The following KIFAP3 variants were observed in gnomAD, a reference collection of about 807,000 sequenced individuals.
KIFAP3 encodes kinesin associated protein 3, also known as kinesin-associated protein 3.
A neutral mutation model predicts 106.5 loss-of-function variants in KIFAP3; 68 were observed. That is an observed-to-expected ratio of 0.64 (90% CI 0.53 to 0.78). The LOEUF is 0.78. Among genes scored for constraint, KIFAP3 ranks in the 30% least tolerant of loss-of-function variants. KIFAP3 has a pLI of 0.00. For missense variants in KIFAP3, 780 were observed against 941.8 expected, an observed-to-expected ratio of 0.83 and a Z score of 2.25; for synonymous variants, 320 against 311.5, an observed-to-expected ratio of 1.03 and a Z score of -0.29.
chr1:170,021,941 C>CTTTTTTTTTTTTTT (rs71125221), intron 9 of KIFAP3, among the ~76,000 whole-genome samples: 5 of 77,888 alleles, frequency 6.4e-5, no homozygotes, highest in African/African-American at 1.9e-4. Flanking sequence ...TCTTTTCTTT[C>CTTTTTTTTTTTTTT]TTTTTTTTTT....
At chr1:169,935,276 A>C (rs1663727318) in intron 19 of KIFAP3, among the ~76,000 whole-genome samples, 1 of 152,002 alleles carries the variant, frequency 6.6e-6, no homozygotes, top group East Asian at 1.9e-4. Context: ...TTGCATTTTA[A>C]AAATTTACTT....
intron 19 of KIFAP3, among the ~76,000 whole-genome samples, chr1:169,942,960 T>C (rs1184793833): frequency 1.6e-5 from 2 of 128,766 alleles, no homozygotes; most frequent in Non-Finnish European, 3.1e-5. Context: ...TAATTTCTTT[T>C]GATTGAAACC....
chr1:170,055,381 G>A lies in KIFAP3; in HGVS notation c.88C>T (p.His30Tyr). 1 of 1,608,424 alleles carries A rather than the reference G, an allele frequency of 6.2e-7. No homozygotes were observed. Among genetic ancestry groups the A allele is most frequent in the Non-Finnish European group, 8.5e-7 (1 of 1,176,524 alleles). The part of the protein sequence containing the change: ...VHPSEKALIV[H>Y]YEVEATILGE... ...AGAATGGTAGCTTCCACTTCATAGTGAACAATGAGTGCTTTTTCTGATGGA... is the reference window on the plus strand; with the variant it reads ...AGAATGGTAGCTTCCACTTCATAGTAAACAATGAGTGCTTTTTCTGATGGA... Residue 30 changes from histidine (H) to tyrosine (Y), a missense_variant, in exon 2 of 20, where the codon CAC becomes TAC. By Grantham distance (83) the His-to-Tyr change is moderately conservative. Transcript: ENST00000361580.
At chr1:169,980,386 A>T (rs529078293) in intron 15 of KIFAP3, among the ~76,000 whole-genome samples, 1 of 152,126 alleles carries the variant, frequency 6.6e-6, no homozygotes, top group Non-Finnish European at 1.5e-5. Context: ...GCTAGTTATG[A>T]TGTGTAAGAT....
At chr1:170,041,680 C>T in intron 3 of KIFAP3, 2 of 1,534,702 alleles carry the variant, frequency 1.3e-6, no homozygotes, top group Non-Finnish European at 1.7e-6. Context: ...TACCGACCTT[C>T]ACATAAGCTT....
chr1:170,008,536 T>C lies in KIFAP3; in HGVS notation c.1183+7926A>G, dbSNP rs12044905. On this transcript the variant is annotated intron_variant, in intron 10 of 19. Transcript: ENST00000361580. ...ATGAAAAAAAGCTCATCATCACTGG[T>C]CATTAGAGAAATGCAAATCAAAACC... 9.8e-3 allele frequency among the ~76,000 whole-genome samples: 1,477 copies of C among 150,728 alleles called. 18 individuals are homozygous for C. Among genetic ancestry groups the C allele is most frequent in the South Asian group, 0.047 (216 of 4,554 alleles).
intron 12 of KIFAP3, among the ~76,000 whole-genome samples, chr1:169,983,584 C>G (rs1354123362): frequency 6.6e-6 from 1 of 151,838 alleles, no homozygotes; most frequent in Non-Finnish European, 1.5e-5. Context: ...TCACTTGTGC[C>G]CCTTCCCAGT....
rs938743845 is a variant in KIFAP3 at position 170,005,848 on chromosome 1, A to C, written c.1183+10614T>G. Among the ~76,000 whole-genome samples the C allele has an allele frequency of 2.7e-5, 4 of 150,644 alleles. No individual in the cohort carries two copies. The Admixed American group carries it at 2.7e-4, about 10-fold the overall frequency. Reference sequence around the variant, plus strand: ...GTTGTGCACATGTACCCTAAAACTTAAAGTACAATAATAATAAAATTAAAA... The same window carrying C: ...GTTGTGCACATGTACCCTAAAACTTCAAGTACAATAATAATAAAATTAAAA... On this transcript the variant is annotated intron_variant, in intron 10 of 19. Transcript: ENST00000361580.
intron 1 of KIFAP3, among the ~76,000 whole-genome samples, chr1:170,061,335 A>T: frequency 6.6e-6 from 1 of 152,236 alleles, no homozygotes; most frequent in Non-Finnish European, 1.5e-5. Flanking sequence ...AAACAACCCC[A>T]TCAAAAAGTG....
At chr1:170,022,113 C>T (rs558561611) in intron 9 of KIFAP3, among the ~76,000 whole-genome samples, 12 of 151,750 alleles carry the variant, frequency 7.9e-5, no homozygotes, top group Admixed American at 1.3e-4. Context: ...CCATGCCCAG[C>T]TAATTTTTGT....
chr1:169,963,142 CTTCT>C (rs1328205738), intron 17 of KIFAP3, among the ~76,000 whole-genome samples: 6 of 152,238 alleles, frequency 3.9e-5, no homozygotes, highest in South Asian at 4.1e-4. Flanking sequence ...CTCTTGTTCC[CTTCT>C]TTGTGTTCAT....
At chr1:169,922,454 T>C (rs938481029) in intron 19 of KIFAP3, among the ~76,000 whole-genome samples, 1 of 152,348 alleles carries the variant, frequency 6.6e-6, no homozygotes, top group East Asian at 1.9e-4. Context: ...ACTTATTCTA[T>C]GGGAATAACA....
chr1:169,971,024 A>G (rs1451217169), intron 17 of KIFAP3, among the ~76,000 whole-genome samples: 2 of 152,022 alleles, frequency 1.3e-5, no homozygotes, highest in African/African-American at 4.8e-5. Flanking sequence ...TTTGAAATAA[A>G]TTTCTATTTT....
chr1:169,988,484 A>G (rs1666947544), intron 11 of KIFAP3, among the ~76,000 whole-genome samples: 1 of 152,042 alleles, frequency 6.6e-6, no homozygotes, highest in Admixed American at 6.6e-5. Flanking sequence ...ATTAATATGC[A>G]TAATTACAAA....
At position 170,035,564 on chromosome 1, in the gene KIFAP3, A is replaced by G; in HGVS notation, c.518-11T>C. ...CACCAAGGGCAGTTTCTAAAGAAAA[A>G]GGAGAGGTACCGAAACGATCATTCT... is the stretch of plus-strand genomic sequence containing the variant. On this transcript the variant is annotated splice_polypyrimidine_tract_variant and intron_variant, in intron 5 of 19. Coordinates refer to ENST00000361580, the MANE Select transcript of KIFAP3 (RefSeq NM_014970.4). 2 of 1,556,832 alleles carry G rather than the reference A, an allele frequency of 1.3e-6. No homozygotes were observed. Among genetic ancestry groups the G allele is most frequent in the Non-Finnish European group, 1.8e-6 (2 of 1,139,360 alleles).
At chr1:169,981,829 TTC>T in intron 15 of KIFAP3, 141 bp downstream of exon 15, 1 of 641,958 alleles carries the variant, frequency 1.6e-6, no homozygotes, top group Non-Finnish European at 2.6e-6. Context: ...GTATATTTAA[TTC>T]ATTTTTCTTG....
At chr1:170,057,880 C>T (rs1203283229) in intron 1 of KIFAP3, among the ~76,000 whole-genome samples, 1 of 152,068 alleles carries the variant, frequency 6.6e-6, no homozygotes, top group Non-Finnish European at 1.5e-5. Flanking sequence ...ACTAATAGAG[C>T]CTTCTCAATA....
intron 19 of KIFAP3, among the ~76,000 whole-genome samples, chr1:169,928,681 T>A (rs1663281914): frequency 1.4e-5 from 1 of 72,170 alleles, no homozygotes; most frequent in Non-Finnish European, 2.4e-5. Context: ...GGCAACAGAG[T>A]GAGTGAGACC....
intron 14 of KIFAP3, 44 bp from the exon 15 acceptor site, chr1:169,982,141 A>G: frequency 6.3e-7 from 1 of 1,588,284 alleles, no homozygotes; most frequent in Non-Finnish European, 8.6e-7. Flanking sequence ...AAATGTCCTG[A>G]TCCAAATTCA....
Sources: allele counts gnomAD v4.1 joint callset (sites outside exome capture counted in the v4.1 genomes callset), GRCh38; gene constraint gnomAD v4.1.1; transcripts MANE v1.5; gene names NCBI Gene and HGNC (gene_info 2026-07-23, HGNC 2026-07-21).